C8orf34: variants seen among roughly 807,000 people sequenced by gnomAD.
C8orf34 encodes the protein uncharacterized protein C8orf34.
C8orf34 carries 65 observed loss-of-function variants against 68.3 expected under a neutral mutation model. The ratio of observed to expected loss-of-function variants is 0.95; its 90% CI spans 0.78 to 1.17. C8orf34 has a LOEUF of 1.17. Ranked by LOEUF, C8orf34 falls within the 50% of genes most tolerant of loss-of-function variation. The pLI, the probability that C8orf34 is intolerant of heterozygous loss-of-function variation, is 0.00. For missense variants in C8orf34, 664 were observed against 655.4 expected (o/e 1.01, Z -0.14); for synonymous variants, 244 against 241.2 (o/e 1.01, Z -0.11).
intron 1 of C8orf34, among the ~76,000 whole-genome samples, chr8:68,405,778 C>T (rs892951278): frequency 5.3e-5 from 8 of 152,260 alleles, no homozygotes; most frequent in East Asian, 3.9e-4. Flanking sequence ...ACCTCCCTCC[C>T]GTAATTCTGT....
intron 1 of C8orf34, among the ~76,000 whole-genome samples, chr8:68,333,401 T>C (rs769585096): frequency 6.6e-6 from 1 of 152,224 alleles, no homozygotes; most frequent in Non-Finnish European, 1.5e-5. Flanking sequence ...TTTTTAAGGT[T>C]TGATGTCCAC....
Position 68,398,044 on chromosome 8 carries a change from C to T in C8orf34, c.328-41455C>T, listed in dbSNP as rs144505657. On this transcript the variant is annotated intron_variant, in intron 1 of 13. Transcript: ENST00000518698. ...TTGGGCTCCCAAAGTGCTGAGATTA[C>T]AAGCGTGAGCCACTGCACCTGGCCT... Among the ~76,000 whole-genome samples, 34 of 152,282 alleles carry T rather than the reference C, an allele frequency of 2.2e-4. No individual in the cohort carries two copies. The East Asian group carries it at 5.4e-3, about 24-fold the overall frequency.
At chr8:68,619,015 G>A (rs889659500) in intron 7 of C8orf34, among the ~76,000 whole-genome samples, 2 of 152,100 alleles carry the variant, frequency 1.3e-5, no homozygotes, top group African/African-American at 4.8e-5. Flanking sequence ...ATGGAGGGCT[G>A]ATGTTTGAGC....
intron 3 of C8orf34, among the ~76,000 whole-genome samples, chr8:68,458,707 T>C (rs1419641112): frequency 1.3e-5 from 2 of 152,154 alleles, no homozygotes; most frequent in Non-Finnish European, 2.9e-5. Context: ...CCCTGGGGAA[T>C]GGTCTGTGAG....
chr8:68,808,600 C>T (rs1283052556), intron 12 of C8orf34, among the ~76,000 whole-genome samples: 4 of 151,008 alleles, frequency 2.6e-5, no homozygotes, highest in Non-Finnish European at 5.9e-5. Flanking sequence ...ATTTGCATAA[C>T]ATTTATACTG....
intron 7 of C8orf34, among the ~76,000 whole-genome samples, chr8:68,612,413 G>A (rs761433786): frequency 7.2e-5 from 11 of 152,102 alleles, no homozygotes; most frequent in Non-Finnish European, 1.5e-4. Context: ...TAGCTCCAGA[G>A]GTGACACTCT....
At chr8:68,704,645 C>G (rs1821113775) in intron 8 of C8orf34, among the ~76,000 whole-genome samples, 1 of 152,070 alleles carries the variant, frequency 6.6e-6, no homozygotes, top group Admixed American at 6.6e-5. Flanking sequence ...CAAAAAAGAT[C>G]ACATCCACCC....
At chr8:68,705,832 G>A (rs1205116565) in intron 8 of C8orf34, among the ~76,000 whole-genome samples, 1 of 152,164 alleles carries the variant, frequency 6.6e-6, no homozygotes, top group Admixed American at 6.5e-5. Flanking sequence ...GGGGGTGATA[G>A]TGGATAAAAT....
At chr8:68,444,091 ACT>A (rs1323411271) in intron 2 of C8orf34, among the ~76,000 whole-genome samples, 1 of 150,064 alleles carries the variant, frequency 6.7e-6, no homozygotes, top group African/African-American at 2.4e-5. Context: ...TTCTTTGTTG[ACT>A]CTCTTTTAGA....
chr8:68,547,723 A>C lies in C8orf34; in HGVS notation c.1105+14574A>C, dbSNP rs75050984. Among the ~76,000 whole-genome samples, 324 of 151,906 alleles carry C rather than the reference A, an allele frequency of 2.1e-3. 1 individual carries two copies. Among genetic ancestry groups the C allele is most frequent in the African/African-American group, 7.4e-3 (306 of 41,544 alleles). On this transcript the variant is annotated intron_variant, in intron 7 of 13. Transcript: ENST00000518698. ...TTCAAATTCTAAAGTTTATATGGAA[A>C]TAATGACCTTGAATGGCCAAAATCA...
intron 1 of C8orf34, among the ~76,000 whole-genome samples, chr8:68,370,279 G>T (rs1261753334): frequency 6.6e-6 from 1 of 152,100 alleles, no homozygotes; most frequent in Non-Finnish European, 1.5e-5. Context: ...AAATATTCCT[G>T]TTGGTCAAAA....
At chr8:68,500,926 G>T (rs1447041227) in intron 5 of C8orf34, among the ~76,000 whole-genome samples, 1 of 152,094 alleles carries the variant, frequency 6.6e-6, no homozygotes, top group Non-Finnish European at 1.5e-5. Context: ...AAGAAGCTTG[G>T]GAATAAGAGA....
chr8:68,812,931 A>G (rs1348278688), intron 12 of C8orf34, among the ~76,000 whole-genome samples: 2 of 152,186 alleles, frequency 1.3e-5, no homozygotes, highest in Non-Finnish European at 2.9e-5. Flanking sequence ...TTAATGACAT[A>G]TCATATGTTC....
intron 3 of C8orf34, among the ~76,000 whole-genome samples, chr8:68,467,698 A>G (rs1812208624): frequency 6.6e-6 from 1 of 151,974 alleles, no homozygotes; most frequent in Non-Finnish European, 1.5e-5. Flanking sequence ...TCTGAAAAAC[A>G]ATGCTTTTGC....
At chr8:68,754,417 G>A (rs1355747633) in intron 10 of C8orf34, among the ~76,000 whole-genome samples, 1 of 152,182 alleles carries the variant, frequency 6.6e-6, no homozygotes, top group Non-Finnish European at 1.5e-5. Context: ...TTGTATTGAG[G>A]CATAACATTC....
At chr8:68,744,585 AT>A (rs1362313871) in intron 10 of C8orf34, among the ~76,000 whole-genome samples, 1 of 152,198 alleles carries the variant, frequency 6.6e-6, no homozygotes, top group Non-Finnish European at 1.5e-5. Context: ...TACGTGAAGA[AT>A]GCAGAAGCCT....
At chr8:68,780,159 A>C (rs188990742) in intron 11 of C8orf34, among the ~76,000 whole-genome samples, 2 of 152,206 alleles carry the variant, frequency 1.3e-5, no homozygotes, top group Non-Finnish European at 2.9e-5. Flanking sequence ...CACAATTTAC[A>C]CTTATATGGA....
At chr8:68,621,377 A>T (rs989978271) in intron 7 of C8orf34, among the ~76,000 whole-genome samples, 1 of 152,200 alleles carries the variant, frequency 6.6e-6, no homozygotes, top group Admixed American at 6.5e-5. Context: ...TACCCAAATG[A>T]TGTTATAATT....
intron 7 of C8orf34, chr8:68,534,833 G>T (rs538067026): frequency 8.6e-5 from 85 of 985,388 alleles, no homozygotes; most frequent in Middle Eastern, 5.2e-4. Context: ...CCTGACTGAA[G>T]GTTCTAGTCT....
Sources: allele counts gnomAD v4.1 joint callset (sites outside exome capture counted in the v4.1 genomes callset), GRCh38; gene constraint gnomAD v4.1.1; transcripts MANE v1.5; gene names NCBI Gene and HGNC (gene_info 2026-07-23, HGNC 2026-07-21).